Variants in BCL7C observed in about 807,000 individuals in gnomAD.
BCL7C encodes the protein BAF chromatin remodeling complex subunit BCL7C.
BCL7C carries 8 observed loss-of-function variants against 26.2 expected under a neutral mutation model. That is an observed-to-expected ratio of 0.30 (90% CI 0.18 to 0.55). The LOEUF (loss-of-function observed/expected upper bound fraction) is 0.55. BCL7C is among the 20% of genes least tolerant of loss of function. The pLI, the probability that BCL7C is intolerant of heterozygous loss-of-function variation, is 0.93. For missense variants in BCL7C, 262 were observed against 298.5 expected (o/e 0.88, Z 0.90); for synonymous variants, 90 against 116.5 (o/e 0.77, Z 1.47).
At chr16:30,842,925 C>T (rs144428277) in intron 5 of BCL7C, among the ~76,000 whole-genome samples, 2,166 of 152,216 alleles carry the variant, frequency 0.014, 38 homozygotes, top group Non-Finnish European at 0.02. Context: ...GGATTACAGG[C>T]GTGAGCCACT....
chr16:30,844,488 G>A (rs1157446314), intron 5 of BCL7C, among the ~76,000 whole-genome samples: 1 of 151,924 alleles, frequency 6.6e-6, no homozygotes, highest in Middle Eastern at 3.2e-3. Flanking sequence ...GTTTATGATA[G>A]TCCACAGTCA....
At chr16:30,865,357 GT>G (rs1042596385) in intron 5 of BCL7C, among the ~76,000 whole-genome samples, 20 of 152,024 alleles carry the variant, frequency 1.3e-4, no homozygotes, top group Admixed American at 1.2e-3. Context: ...CACAAAGCCT[GT>G]TTGCTGTTTG....
intron 5 of BCL7C, among the ~76,000 whole-genome samples, chr16:30,841,462 G>A (rs72799319): frequency 0.15 from 22,540 of 152,174 alleles, 2,143 homozygotes; most frequent in Non-Finnish European, 0.22. Context: ...TGCGCCTGCT[G>A]CCAAAAGGTT....
chr16:30,892,493 G>A (rs979251809), intron 4 of BCL7C, 93 bp downstream of exon 4: 3 of 1,346,828 alleles, frequency 2.2e-6, no homozygotes, highest in African/African-American at 2.9e-5. Flanking sequence ...GGGTGCACAA[G>A]ACGGGGAGCA....
chr16:30,849,843 C>T (rs1387449098), intron 5 of BCL7C, among the ~76,000 whole-genome samples: 1 of 151,640 alleles, frequency 6.6e-6, no homozygotes, highest in Non-Finnish European at 1.5e-5. Context: ...CAGCCTCCAC[C>T]ATGCCTAGCT....
At chr16:30,863,514 A>C (rs976941965) in intron 5 of BCL7C, among the ~76,000 whole-genome samples, 36 of 152,170 alleles carry the variant, frequency 2.4e-4, no homozygotes, top group African/African-American at 7.7e-4. Context: ...AGGAAGCTGG[A>C]GTCAATCACT....
At position 30,854,702 on chromosome 16, in the gene BCL7C, A is replaced by T. The variant is rs1295953058; in HGVS notation, c.529-19554T>A. The stretch of plus-strand genomic sequence containing the variant: ...ATCAGCACTCACAGACTCACCACTC[A>T]CTTTCTTTTTTTTTTTTTTTCTGAG... On this transcript the variant is annotated intron_variant, in intron 5 of 5. Coordinates refer to the BCL7C transcript ENST00000380317. Among the ~76,000 whole-genome samples, 6 of 94,036 alleles carry T rather than the reference A, an allele frequency of 6.4e-5. No individual in the cohort carries two copies. In the East Asian group the frequency reaches 1.5e-3, roughly 24 times the overall value. The allele number at this position is 94,036 out of a possible 152,430, so 61.7% of individuals were successfully genotyped here.
intron 5 of BCL7C, chr16:30,851,128 T>C: frequency 3.8e-6 from 1 of 259,982 alleles, no homozygotes; most frequent in Non-Finnish European, 7.7e-6. Context: ...TTCTGCATCC[T>C]ACTGGTTCGT....
At chr16:30,862,289 T>C (rs1224873666) in intron 5 of BCL7C, among the ~76,000 whole-genome samples, 1 of 152,142 alleles carries the variant, frequency 6.6e-6, no homozygotes, top group Admixed American at 6.6e-5. Context: ...CATTATTCTG[T>C]TATGGATCTC....
At chr16:30,886,944 A>G (rs183680993), downstream of BCL7C, among the ~76,000 whole-genome samples, 384 of 152,278 alleles carry the variant, frequency 2.5e-3, 2 homozygotes, top group Non-Finnish European at 3.5e-3. Context: ...AGGCCAAGGC[A>G]GGAGGAACAC....
chr16:30,856,213 G>A (rs2054720408), intron 5 of BCL7C, among the ~76,000 whole-genome samples: 7 of 151,488 alleles, frequency 4.6e-5, no homozygotes, highest in Admixed American at 4.0e-4. Flanking sequence ...AGGCTGAGGC[G>A]GGCGGATCAC....
intron 5 of BCL7C, among the ~76,000 whole-genome samples, chr16:30,870,490 C>T (rs2054873027): frequency 6.6e-6 from 1 of 151,622 alleles, no homozygotes; most frequent in African/African-American, 2.4e-5. Flanking sequence ...CATAGTGAGA[C>T]CCCGTCTTTA....
Position 30,857,045 on chromosome 16 carries a change from A to G in BCL7C, c.529-21897T>C, listed in dbSNP as rs189477618. Among the ~76,000 whole-genome samples the G allele has an allele frequency of 1.6e-4, 24 of 152,264 alleles. No individual in the cohort carries two copies. In the East Asian group the frequency reaches 3.5e-3, roughly 22 times the overall value. Reference sequence around the variant, plus strand: ...TTTGTTTGTTTTCAACAAATGCCCTAGGGACATGGCTGTTAGTAAAGGAAA... The same window carrying G: ...TTTGTTTGTTTTCAACAAATGCCCTGGGGACATGGCTGTTAGTAAAGGAAA... On this transcript the variant is annotated intron_variant, in intron 5 of 5. Coordinates refer to the BCL7C transcript ENST00000380317.
At chr16:30,845,433 A>C (rs977904771) in intron 5 of BCL7C, among the ~76,000 whole-genome samples, 1 of 152,172 alleles carries the variant, frequency 6.6e-6, no homozygotes, top group Non-Finnish European at 1.5e-5. Context: ...TGATCCTTGC[A>C]CTGGCAAAGC....
chr16:30,878,134 C>T (rs1050259076), intron 5 of BCL7C, among the ~76,000 whole-genome samples: 3 of 151,722 alleles, frequency 2.0e-5, no homozygotes, highest in Admixed American at 2.0e-4. Flanking sequence ...AAGATCATGC[C>T]ACTGCACTGC....
chr16:30,874,138 G>A (rs1434829344), intron 5 of BCL7C, among the ~76,000 whole-genome samples: 1 of 151,366 alleles, frequency 6.6e-6, no homozygotes. Flanking sequence ...TGGGATTACA[G>A]GTGTGTGGCA....
chr16:30,867,021 T>C (rs1419599364), intron 5 of BCL7C, among the ~76,000 whole-genome samples: 1 of 152,180 alleles, frequency 6.6e-6, no homozygotes, highest in Non-Finnish European at 1.5e-5. Flanking sequence ...GCTACTGCAC[T>C]CCATCCTGGA....
At chr16:30,836,941 G>A (rs151064380) in intron 5 of BCL7C, among the ~76,000 whole-genome samples, 14 of 151,614 alleles carry the variant, frequency 9.2e-5, no homozygotes, top group African/African-American at 3.1e-4. Context: ...CTACAGGTGC[G>A]TGCCACCACA....
intron 5 of BCL7C, among the ~76,000 whole-genome samples, chr16:30,843,872 T>G (rs1390275457): frequency 2.6e-5 from 4 of 151,314 alleles, no homozygotes; most frequent in Non-Finnish European, 5.9e-5. Flanking sequence ...AAACCTCATC[T>G]CTACTAAAAA....
Sources: allele counts gnomAD v4.1 joint callset (sites outside exome capture counted in the v4.1 genomes callset), GRCh38; gene constraint gnomAD v4.1.1; transcripts MANE v1.5; gene names NCBI Gene and HGNC (gene_info 2026-07-23, HGNC 2026-07-21).